DNAH5: variants seen among roughly 807,000 people sequenced by gnomAD.
The protein encoded by DNAH5 is dynein axonemal heavy chain 5.
A neutral mutation model predicts 518.2 loss-of-function variants in DNAH5; 372 were observed. The observed-to-expected ratio is 0.72, with a 90% confidence interval of 0.66 to 0.78. The LOEUF is 0.78. DNAH5 is among the 30% of genes least tolerant of loss of function. The pLI, the probability that DNAH5 is intolerant of heterozygous loss-of-function variation, is 0.00. For missense variants in DNAH5, 5,523 were observed against 5,687.0 expected, an observed-to-expected ratio of 0.97 and a Z score of 0.93; for synonymous variants, 2,039 against 2,025.9, an observed-to-expected ratio of 1.01 and a Z score of -0.17.
At chr5:13,893,242 C>A (rs912303861) in intron 16 of DNAH5, among the ~76,000 whole-genome samples, 2 of 151,930 alleles carry the variant, frequency 1.3e-5, no homozygotes, top group Admixed American at 6.6e-5. Context: ...ACCTGAGGGG[C>A]GGAGTTGGGG....
chr5:13,826,616 T>C (rs895243155), intron 38 of DNAH5, among the ~76,000 whole-genome samples: 1 of 152,236 alleles, frequency 6.6e-6, no homozygotes, highest in Admixed American at 6.5e-5. Flanking sequence ...TCTGCCACAA[T>C]TGTAAGCTTC....
chr5:13,720,570 G>T (rs933978250), intron 71 of DNAH5, among the ~76,000 whole-genome samples: 2 of 152,038 alleles, frequency 1.3e-5, no homozygotes, highest in African/African-American at 2.4e-5. Flanking sequence ...TAAAGATGGG[G>T]TCTATGTTGC....
chr5:13,922,440 G>C, intron 4 of DNAH5, 112 bp from the exon 5 acceptor site: 2 of 1,142,816 alleles, frequency 1.8e-6, no homozygotes, highest in Non-Finnish European at 2.5e-6. Context: ...TAAATTATTA[G>C]TTTGTGCCAG....
intron 43 of DNAH5, among the ~76,000 whole-genome samples, chr5:13,813,521 G>A (rs1761008484): frequency 6.7e-6 from 1 of 150,034 alleles, no homozygotes; most frequent in African/African-American, 2.4e-5. Context: ...AGATTGAAGT[G>A]TAACCCAATC....
chr5:13,915,364 A>G (rs538568717), intron 9 of DNAH5, among the ~76,000 whole-genome samples: 2 of 152,274 alleles, frequency 1.3e-5, no homozygotes, highest in South Asian at 4.1e-4. Context: ...CAACATTTCC[A>G]TAATGAAAGG....
intron 3 of DNAH5, 49 bp from the exon 4 acceptor site, chr5:13,923,489 T>C (rs1777527125): frequency 5.6e-6 from 9 of 1,605,674 alleles, no homozygotes; most frequent in Non-Finnish European, 6.8e-6. Flanking sequence ...TTGCAGTCCA[T>C]GTGGTTCCCT....
At chr5:13,950,284 A>G (rs1780281270) in intron 1 of DNAH5, among the ~76,000 whole-genome samples, 1 of 151,306 alleles carries the variant, frequency 6.6e-6, no homozygotes, top group South Asian at 2.1e-4. Context: ...AAACCATGAT[A>G]CTTGTATTTT....
Position 13,955,272 on chromosome 5 carries a change from G to A in DNAH5, c.13-24028C>T, listed in dbSNP as rs372386619. ...TTGCTTCCTCTTTGCCTTCTGCCAT[G>A]ATTGTAAGTTTCCTGAGGCCTCCCC... On this transcript the variant is annotated intron_variant, in intron 1 of 78. Coordinates refer to the DNAH5 transcript ENST00000681290. Among the ~76,000 whole-genome samples, 8 of 152,278 alleles carry A rather than the reference G, an allele frequency of 5.3e-5. No homozygotes were observed. The East Asian group carries it at 1.5e-3, about 29-fold the overall frequency.
In DNAH5 at chr5:13,793,619, A is replaced by G. The variant is rs1006592085; in HGVS notation, c.8120T>C (p.Ile2707Thr). The G allele has an allele frequency of 6.2e-7, 1 of 1,614,054 alleles. No individual in the cohort carries two copies. The highest frequency in any genetic ancestry group is 8.5e-7 in the Non-Finnish European group (1 of 1,180,034). Reference protein sequence around the residue: ...IVDIQFLAAMIHPGGGRNDIP... With the variant: ...IVDIQFLAAMTHPGGGRNDIP... The stretch of plus-strand genomic sequence containing the variant: ...GTCATTGCGTCCACCACCAGGATGG[A>G]TCATGGCTGCCAAAAACTGGATGTC... The change falls in exon 49 of 79, where the codon ATC (isoleucine) becomes ACC (threonine). Residue 2707 changes from isoleucine (I) to threonine (T), a missense_variant. Ile to Thr is a moderately conservative substitution (Grantham distance 89). This residue lies in a region of DNAH5 where 5,121 missense variants were observed against 5,223.3 expected (regional missense o/e 0.98). Coordinates refer to ENST00000265104, the MANE Select transcript of DNAH5 (RefSeq NM_001369.3).
chr5:13,984,716 T>C (rs1405775912), intron 1 of DNAH5, among the ~76,000 whole-genome samples: 1 of 152,230 alleles, frequency 6.6e-6, no homozygotes, highest in African/African-American at 2.4e-5. Flanking sequence ...AATATCTAAT[T>C]TATTGAGAGT....
rs185570813 is a variant in DNAH5 at position 13,961,320 on chromosome 5, C to A, written c.13-30076G>T. On this transcript the variant is annotated intron_variant, in intron 1 of 78. Coordinates refer to the DNAH5 transcript ENST00000681290. Reference sequence around the variant, plus strand: ...TAACAAAAGTGAGTGTTCCTATTCCCATTTTCCAAATGAGGAAACTCAGAG... The same window carrying A: ...TAACAAAAGTGAGTGTTCCTATTCCAATTTTCCAAATGAGGAAACTCAGAG... Among the ~76,000 whole-genome samples the A allele has an allele frequency of 3.3e-5, 5 of 152,264 alleles. No individual in the cohort carries two copies. The East Asian group carries it at 9.7e-4, about 29-fold the overall frequency.
chr5:13,692,710 G>A (rs1267991192), intron 78 of DNAH5, among the ~76,000 whole-genome samples: 3 of 152,152 alleles, frequency 2.0e-5, no homozygotes, highest in Admixed American at 6.5e-5. Flanking sequence ...ACCTCCCTGA[G>A]ACTCAGTCTA....
chr5:13,699,259 C>A (rs191774901), intron 78 of DNAH5, among the ~76,000 whole-genome samples: 1 of 152,208 alleles, frequency 6.6e-6, no homozygotes, highest in East Asian at 1.9e-4. Flanking sequence ...TCTTTTGTAA[C>A]ATGTATCAAT....
At chr5:13,995,548 T>A (rs1188256708) in intron 1 of DNAH5, among the ~76,000 whole-genome samples, 1 of 152,094 alleles carries the variant, frequency 6.6e-6, no homozygotes, top group Non-Finnish European at 1.5e-5. Flanking sequence ...AAGCCAGGTA[T>A]TAAACTGAAT....
At chr5:13,987,084 T>C (rs1783104512) in intron 1 of DNAH5, among the ~76,000 whole-genome samples, 1 of 152,150 alleles carries the variant, frequency 6.6e-6, no homozygotes, top group Non-Finnish European at 1.5e-5. Flanking sequence ...TCATGTGGCC[T>C]CATGGCAGAA....
Position 13,903,186 on chromosome 5 carries a change from G to C in DNAH5, c.1645-1048C>G, listed in dbSNP as rs184165846. Among the ~76,000 whole-genome samples, 4 of 151,968 alleles carry C rather than the reference G, an allele frequency of 2.6e-5. No homozygotes were observed. The East Asian group carries it at 7.7e-4, about 29-fold the overall frequency. ...AAAAATAAAATTTAGACGTATAAAGGGGAACATAATTACAATTCAAAATAC... is the reference window on the plus strand; with the variant it reads ...AAAAATAAAATTTAGACGTATAAAGCGGAACATAATTACAATTCAAAATAC... On this transcript the variant is annotated intron_variant, in intron 12 of 78. Transcript: ENST00000265104.
At chr5:13,770,259 C>T (rs1474024571) in intron 56 of DNAH5, among the ~76,000 whole-genome samples, 1 of 152,172 alleles carries the variant, frequency 6.6e-6, no homozygotes, top group Non-Finnish European at 1.5e-5. Context: ...AGCAGGGATA[C>T]TCCTTAGGCA....
chr5:13,816,122 A>C (rs1761414926), intron 42 of DNAH5, among the ~76,000 whole-genome samples: 1 of 152,170 alleles, frequency 6.6e-6, no homozygotes, highest in African/African-American at 2.4e-5. Context: ...GCAGTACCAG[A>C]CTGAGAACTG....
intron 65 of DNAH5, among the ~76,000 whole-genome samples, chr5:13,740,766 C>T (rs1748393785): frequency 6.6e-6 from 1 of 152,124 alleles, no homozygotes; most frequent in South Asian, 2.1e-4. Flanking sequence ...TCAAGTCTTC[C>T]TCAAATGTCA....
Sources: gnomAD v4.1 joint callset for allele counts (sites outside exome capture counted in the v4.1 genomes callset) on GRCh38, gnomAD v4.1.1 for gene constraint, gnomAD v4.1.1 regional missense constraint, MANE v1.5 for transcripts, NCBI Gene and HGNC (gene_info 2026-07-23, HGNC 2026-07-21) for gene names.